The following AFG1L variants were observed in gnomAD, a reference collection of about 807,000 sequenced individuals.
The protein encoded by AFG1L is AFG1 like ATPase, also known as AFG1-like ATPase.
Under a neutral mutation model 62.2 loss-of-function variants are expected in AFG1L, and 53 were observed. The ratio of observed to expected loss-of-function variants is 0.85; its 90% CI spans 0.68 to 1.07. AFG1L has a LOEUF of 1.07. Ranked by LOEUF, AFG1L falls within the 50% of genes least tolerant of loss-of-function variation. AFG1L has a pLI of 0.00. For missense variants in AFG1L, 555 were observed against 590.5 expected (o/e 0.94, Z 0.62); for synonymous variants, 228 against 210.3 (o/e 1.08, Z -0.73).
intron 11 of AFG1L, among the ~76,000 whole-genome samples, chr6:108,518,431 A>C (rs1943904089): frequency 6.8e-6 from 1 of 146,972 alleles, no homozygotes; most frequent in African/African-American, 2.5e-5. Flanking sequence ...GTTCTCACTC[A>C]TAGGTGGAAA....
At chr6:108,508,318 C>G (rs555595622) in intron 10 of AFG1L, among the ~76,000 whole-genome samples, 14 of 152,300 alleles carry the variant, frequency 9.2e-5, no homozygotes, top group African/African-American at 3.4e-4. Context: ...CAACCCCACC[C>G]CACTCCCAGA....
chr6:108,356,835 T>G lies in AFG1L; in HGVS notation c.648+15T>G. 3 of 1,600,794 alleles carry G rather than the reference T, an allele frequency of 1.9e-6. No homozygotes were observed. The South Asian group carries it at 3.4e-5, about 18-fold the overall frequency. On this transcript the variant is annotated intron_variant, in intron 5 of 12. Transcript: ENST00000368977. ...ATGAATTTCAGGTAAAGTAGAGATTTTTCATAGATATAGAATGGTATATTG... is the reference window on the plus strand; with the variant it reads ...ATGAATTTCAGGTAAAGTAGAGATTGTTCATAGATATAGAATGGTATATTG...
chr6:108,387,719 G>C (rs146147922), intron 6 of AFG1L: 23 of 152,162 alleles, frequency 1.5e-4, no homozygotes, highest in African/African-American at 5.3e-4. Flanking sequence ...CTTGTATCAA[G>C]GGACAAGTCA....
chr6:108,467,601 T>C (rs1252652258), intron 8 of AFG1L, among the ~76,000 whole-genome samples: 11 of 152,228 alleles, frequency 7.2e-5, no homozygotes, highest in Admixed American at 7.2e-4. Flanking sequence ...TCTTATGTTT[T>C]CCACTTTACA....
At chr6:108,316,784 G>A (rs1252215931) in intron 1 of AFG1L, among the ~76,000 whole-genome samples, 2 of 151,918 alleles carry the variant, frequency 1.3e-5, no homozygotes, top group South Asian at 4.2e-4. Context: ...TGCCCGCCTT[G>A]GCCTCCCAAA....
chr6:108,365,484 T>C, intron 5 of AFG1L, among the ~76,000 whole-genome samples: 1 of 78,784 alleles, frequency 1.3e-5, no homozygotes, highest in African/African-American at 7.8e-5. Flanking sequence ...TGAAAGGTGG[T>C]TTTTTTTGTT....
intron 12 of AFG1L, 135 bp from the exon 13 acceptor site, chr6:108,522,162 A>G: frequency 1.5e-6 from 1 of 652,562 alleles, no homozygotes; most frequent in Non-Finnish European, 2.6e-6. Flanking sequence ...AAGAGATTGT[A>G]TATGGAAAAA....
chr6:108,366,200 A>T, intron 5 of AFG1L, 33 bp from the exon 6 acceptor site: 1 of 1,375,488 alleles, frequency 7.3e-7, no homozygotes, highest in Non-Finnish European at 1.0e-6. Context: ...CAGAAGTGAA[A>T]TTAAAATAAA....
chr6:108,504,628 GA>G (rs562336670), intron 10 of AFG1L, among the ~76,000 whole-genome samples: 148 of 152,282 alleles, frequency 9.7e-4, no homozygotes, highest in African/African-American at 3.4e-3. Flanking sequence ...CATGCTGTTG[GA>G]AAAATGTCAC....
At chr6:108,434,261 GCTCCAA>G (rs1771209986) in intron 7 of AFG1L, among the ~76,000 whole-genome samples, 2 of 152,176 alleles carry the variant, frequency 1.3e-5, no homozygotes, top group South Asian at 4.1e-4. Context: ...TTTTGTCTTG[GCTCCAA>G]CTCCTAGAGT....
At chr6:108,400,305 C>T (rs1044966739) in intron 6 of AFG1L, among the ~76,000 whole-genome samples, 8 of 151,676 alleles carry the variant, frequency 5.3e-5, no homozygotes, top group Non-Finnish European at 1.0e-4. Context: ...TCCCCCATTT[C>T]GTATGATACT....
chr6:108,518,509 G>C (rs1774991286), intron 11 of AFG1L, among the ~76,000 whole-genome samples: 1 of 129,362 alleles, frequency 7.7e-6, no homozygotes, highest in African/African-American at 2.9e-5. Context: ...GTGGGGTGGG[G>C]GGAGGGGGGA....
intron 3 of AFG1L, among the ~76,000 whole-genome samples, chr6:108,351,498 A>T (rs1779077941): frequency 6.6e-6 from 1 of 152,164 alleles, no homozygotes. Flanking sequence ...GTGTGTATAC[A>T]ATTAGGTCAT....
intron 10 of AFG1L, 86 bp from the exon 11 acceptor site, chr6:108,510,126 G>A: frequency 1.0e-6 from 1 of 977,182 alleles, no homozygotes; most frequent in Non-Finnish European, 1.5e-6. Flanking sequence ...ACCATGACAA[G>A]AAAGAGGTGT....
intron 7 of AFG1L, among the ~76,000 whole-genome samples, chr6:108,419,128 A>C (rs559092943): frequency 2.5e-4 from 38 of 152,300 alleles, no homozygotes; most frequent in Non-Finnish European, 4.3e-4. Flanking sequence ...AGGTTAAAAA[A>C]ATTTTCAATG....
intron 7 of AFG1L, among the ~76,000 whole-genome samples, chr6:108,404,373 G>A (rs1318304298): frequency 6.6e-6 from 1 of 152,174 alleles, no homozygotes; most frequent in Non-Finnish European, 1.5e-5. Context: ...CACCACAGAA[G>A]CTTGTGGTTT....
intron 6 of AFG1L, among the ~76,000 whole-genome samples, chr6:108,391,167 G>A (rs1481810594): frequency 6.6e-6 from 1 of 152,174 alleles, no homozygotes; most frequent in Non-Finnish European, 1.5e-5. Flanking sequence ...GAGTGGGATT[G>A]CTGGATCAAA....
At chr6:108,488,619 G>A (rs1002268658) in intron 10 of AFG1L, among the ~76,000 whole-genome samples, 9 of 151,938 alleles carry the variant, frequency 5.9e-5, no homozygotes, top group African/African-American at 1.7e-4. Flanking sequence ...TTGGGAGGCC[G>A]AGGTGGGCAG....
intron 11 of AFG1L, among the ~76,000 whole-genome samples, chr6:108,519,044 T>C (rs1775019900): frequency 6.6e-6 from 1 of 152,220 alleles, no homozygotes; most frequent in African/African-American, 2.4e-5. Context: ...GTCTGGGTAA[T>C]TTATAAATAA....
Sources: gnomAD v4.1 joint callset for allele counts (sites outside exome capture counted in the v4.1 genomes callset) on GRCh38, gnomAD v4.1.1 for gene constraint, MANE v1.5 for transcripts, NCBI Gene and HGNC (gene_info 2026-07-23, HGNC 2026-07-21) for gene names.